The following SPECC1 variants were observed in gnomAD, a reference collection of about 807,000 sequenced individuals.
SPECC1 encodes sperm antigen with calponin homology and coiled-coil domains 1.
In SPECC1, 62 loss-of-function variants were observed where a neutral mutation model predicts 104.1. The ratio of observed to expected loss-of-function variants is 0.60; its 90% CI spans 0.49 to 0.74. The LOEUF (loss-of-function observed/expected upper bound fraction) is 0.74. SPECC1 is among the 30% of genes least tolerant of loss of function. The pLI, the probability that SPECC1 is intolerant of heterozygous loss-of-function variation, is 0.00. For synonymous variants in SPECC1, 513 were observed against 501.6 expected, an observed-to-expected ratio of 1.02 and a Z score of -0.30; for missense variants, 1,306 against 1,310.5, an observed-to-expected ratio of 1.00 and a Z score of 0.05.
At chr17:20,034,271 A>T (rs558130541) in intron 1 of SPECC1, among the ~76,000 whole-genome samples, 6 of 149,316 alleles carry the variant, frequency 4.0e-5, no homozygotes, top group Admixed American at 1.3e-4. Flanking sequence ...CTAATTTTTT[A>T]TATTTTTGGT....
intron 4 of SPECC1, among the ~76,000 whole-genome samples, chr17:20,217,418 T>TA (rs1359650020): frequency 6.6e-6 from 1 of 152,170 alleles, no homozygotes; most frequent in African/African-American, 2.4e-5. Flanking sequence ...CATGCCGAGT[T>TA]ACCTAGCTTG....
intron 12 of SPECC1, among the ~76,000 whole-genome samples, chr17:20,284,971 A>G (rs1400373566): frequency 6.6e-6 from 1 of 152,188 alleles, no homozygotes; most frequent in East Asian, 1.9e-4. Flanking sequence ...CAGACACCTC[A>G]TGGAGGCACC....
intron 3 of SPECC1, among the ~76,000 whole-genome samples, chr17:20,125,616 G>C (rs1043388665): frequency 6.6e-6 from 1 of 152,196 alleles, no homozygotes; most frequent in African/African-American, 2.4e-5. Flanking sequence ...ATCCAAGTGA[G>C]ATCATACAGT....
chr17:20,086,061 A>G (rs1031591206), intron 1 of SPECC1, among the ~76,000 whole-genome samples: 2 of 150,064 alleles, frequency 1.3e-5, no homozygotes, highest in Non-Finnish European at 1.5e-5. Flanking sequence ...CTACCTGGCC[A>G]GGCACTTTCT....
At chr17:20,214,628 C>T (rs2037369020) in intron 4 of SPECC1, among the ~76,000 whole-genome samples, 1 of 152,196 alleles carries the variant, frequency 6.6e-6, no homozygotes, top group Admixed American at 6.5e-5. Context: ...CTGCCTCAGC[C>T]TCCTGAGTAG....
At chr17:20,259,712 A>T (rs1458244748) in intron 11 of SPECC1, among the ~76,000 whole-genome samples, 1 of 151,812 alleles carries the variant, frequency 6.6e-6, no homozygotes. Flanking sequence ...GGGTCTCGCT[A>T]TGTTGCCCAG....
At chr17:20,041,666 T>C (rs1448550136) in intron 1 of SPECC1, among the ~76,000 whole-genome samples, 1 of 143,080 alleles carries the variant, frequency 7.0e-6, no homozygotes, top group Non-Finnish European at 1.5e-5. Context: ...CTTGCTCTGT[T>C]GCCCAGGCTG....
intron 13 of SPECC1, among the ~76,000 whole-genome samples, chr17:20,303,438 A>G (rs1443620149): frequency 1.3e-5 from 2 of 152,194 alleles, no homozygotes; most frequent in Admixed American, 1.3e-4. Flanking sequence ...TTTCCAAGGC[A>G]TGGGCCACAG....
At chr17:20,189,119 C>T (rs2035480342) in intron 3 of SPECC1, among the ~76,000 whole-genome samples, 1 of 152,138 alleles carries the variant, frequency 6.6e-6, no homozygotes, top group East Asian at 1.9e-4. Context: ...TTAGCTTTTC[C>T]CATCTGTCCT....
chr17:20,303,357 T>A (rs956802296), intron 13 of SPECC1, among the ~76,000 whole-genome samples: 1 of 152,194 alleles, frequency 6.6e-6, no homozygotes, highest in Non-Finnish European at 1.5e-5. Context: ...TTCCAGCCCA[T>A]GCCCGCTCCT....
chr17:20,256,308 A>G (rs564005554), intron 10 of SPECC1, among the ~76,000 whole-genome samples: 5 of 152,204 alleles, frequency 3.3e-5, no homozygotes, highest in African/African-American at 1.2e-4. Context: ...TTGGATGATT[A>G]TATTTACTGT....
chr17:20,055,872 G>T (rs146063341), intron 1 of SPECC1, among the ~76,000 whole-genome samples: 1 of 152,178 alleles, frequency 6.6e-6, no homozygotes, highest in South Asian at 2.1e-4. Flanking sequence ...TTGCAGGCTT[G>T]TGCTCAGCTG....
At chr17:20,015,816 C>A (rs1339298291) in intron 1 of SPECC1, among the ~76,000 whole-genome samples, 1 of 149,630 alleles carries the variant, frequency 6.7e-6, no homozygotes, top group Non-Finnish European at 1.5e-5. Context: ...GATCTCCTGA[C>A]CTCGTGATCC....
At chr17:20,021,100 G>GT (rs1196406822) in intron 1 of SPECC1, among the ~76,000 whole-genome samples, 8 of 152,038 alleles carry the variant, frequency 5.3e-5, no homozygotes, top group African/African-American at 1.9e-4. Flanking sequence ...CTTTTCATTA[G>GT]TTCCTTGGAA....
intron 5 of SPECC1, among the ~76,000 whole-genome samples, chr17:20,231,187 G>A (rs899279494): frequency 2.6e-5 from 4 of 152,180 alleles, no homozygotes; most frequent in South Asian, 2.1e-4. Flanking sequence ...ACACATCCCC[G>A]GGTTCTGTCT....
chr17:20,269,870 A>T (rs1490300079), intron 12 of SPECC1, among the ~76,000 whole-genome samples: 1 of 152,138 alleles, frequency 6.6e-6, no homozygotes, highest in Admixed American at 6.5e-5. Flanking sequence ...CCATGACTCC[A>T]TGCTGCGTCC....
Position 20,204,246 on chromosome 17 carries a change from C to T in SPECC1, c.284-87C>T, listed in dbSNP as rs2036617780. On this transcript the variant is annotated intron_variant, in intron 3 of 14. Coordinates refer to ENST00000395527, the MANE Select transcript of SPECC1 (RefSeq NM_001243439.2). Reference sequence around the variant, plus strand: ...GATGAAGAGCGACAGCCACTGTCCACTGTGCCATGTGATTTACAGTCATTT... The same window carrying T: ...GATGAAGAGCGACAGCCACTGTCCATTGTGCCATGTGATTTACAGTCATTT... 8.2e-6 allele frequency: 12 copies of T among 1,470,074 alleles called. No individual in the cohort carries two copies. The South Asian group carries it at 1.6e-4, about 20-fold the overall frequency. The allele number at this position is 1,470,074 out of a possible 1,614,324, so 91.1% of individuals were successfully genotyped here.
chr17:20,144,587 T>C (rs2031248523), intron 3 of SPECC1, among the ~76,000 whole-genome samples: 1 of 152,102 alleles, frequency 6.6e-6, no homozygotes, highest in African/African-American at 2.4e-5. Flanking sequence ...AGCCTATAAT[T>C]TTCCTTTATA....
Position 20,204,856 on chromosome 17 carries a change from C to T in SPECC1, c.807C>T (p.His269=), listed in dbSNP as rs556506634. 1.2e-6 allele frequency: 2 copies of T among 1,614,014 alleles called. No homozygotes were observed. The highest frequency in any genetic ancestry group is 1.1e-5 in the South Asian group (1 of 91,074). ...CAAATTCAGAAGGGGCAGCAAGTCA[C>T]ACTGGCGACAGCAGCTGCCCAACAT... ...HSPNSEGAAS[H]TGDSSCPTSI... The change falls in exon 4 of 15, where the codon CAC becomes CAT. Residue 269 remains histidine (H), a synonymous_variant. Transcript: ENST00000395527.
Sources: gnomAD v4.1 joint callset for allele counts (sites outside exome capture counted in the v4.1 genomes callset) on GRCh38, gnomAD v4.1.1 for gene constraint, MANE v1.5 for transcripts, NCBI Gene and HGNC (gene_info 2026-07-23, HGNC 2026-07-21) for gene names.